RAP2A: variants seen among roughly 807,000 people sequenced by gnomAD.
RAP2A encodes ras-related protein Rap-2a.
A neutral mutation model predicts 15.1 loss-of-function variants in RAP2A; 5 were observed. The ratio of observed to expected loss-of-function variants is 0.33; its 90% confidence interval spans 0.17 to 0.70. RAP2A has a LOEUF of 0.70. Ranked by LOEUF, RAP2A falls within the 30% of genes least tolerant of loss-of-function variation. The probability of loss-of-function intolerance (pLI) is 0.68; values close to 1 mark genes in which losing one functional copy is unlikely to be tolerated. For synonymous variants in RAP2A, 110 were observed against 99.7 expected (o/e 1.10, Z -0.62); for missense variants, 111 against 240.3 (o/e 0.46, Z 3.56).
At chr13:97,463,405 A>G (rs921074530) in intron 1 of RAP2A, among the ~76,000 whole-genome samples, 3 of 152,304 alleles carry the variant, frequency 2.0e-5, no homozygotes, top group Non-Finnish European at 2.9e-5. Flanking sequence ...ACTCAGAGAT[A>G]CCTATTTTAG....
chr13:97,438,140 T>A (rs1238259327), intron 1 of RAP2A, among the ~76,000 whole-genome samples: 2 of 152,192 alleles, frequency 1.3e-5, no homozygotes, highest in Non-Finnish European at 2.9e-5. Context: ...AAACTAGAAT[T>A]TTTTTCTGAT....
rs1395484615 is a variant in RAP2A at position 97,465,533 on chromosome 13, A to T, written c.*1091A>T. 1 of 152,652 alleles carries T rather than the reference A, an allele frequency of 6.6e-6. No homozygotes were observed. Among genetic ancestry groups the T allele is most frequent in the African/African-American group, 2.4e-5 (1 of 41,460 alleles). 9.5% of individuals were successfully genotyped at this position (152,652 alleles called of 1,614,324 possible). On this transcript the variant is annotated 3_prime_UTR_variant, in exon 2 of 2. Transcript: ENST00000245304. Reference sequence around the variant, plus strand: ...CAGGCATTTTAAAAATTGAATAACCATGTGAAATAATTTGGGCTTAAAAGT... The same window carrying T: ...CAGGCATTTTAAAAATTGAATAACCTTGTGAAATAATTTGGGCTTAAAAGT...
At chr13:97,445,512 A>G (rs1010892478) in intron 1 of RAP2A, among the ~76,000 whole-genome samples, 7 of 152,248 alleles carry the variant, frequency 4.6e-5, no homozygotes, top group African/African-American at 1.4e-4. Context: ...CAGTTTATGC[A>G]TAATACCAAT....
At chr13:97,452,671 A>ACACACAC (rs2066707618) in intron 1 of RAP2A, among the ~76,000 whole-genome samples, 1 of 122,404 alleles carries the variant, frequency 8.2e-6, no homozygotes, top group Non-Finnish European at 1.9e-5. Flanking sequence ...CACACACACA[A>ACACACAC]CCAACGGAAC....
chr13:97,456,541 G>T (rs2066723866), intron 1 of RAP2A, among the ~76,000 whole-genome samples: 2 of 152,102 alleles, frequency 1.3e-5, no homozygotes, highest in South Asian at 4.1e-4. Context: ...TCCATCATCA[G>T]TTGGTCCATT....
At chr13:97,434,868 G>C in intron 1 of RAP2A, 84 bp downstream of exon 1, 1 of 1,549,578 alleles carries the variant, frequency 6.5e-7, no homozygotes, top group Non-Finnish European at 8.7e-7. Flanking sequence ...GGGCTCCGGG[G>C]AAGGGGCTTT....
chr13:97,436,085 C>T (rs549331972), intron 1 of RAP2A: 1 of 152,178 alleles, frequency 6.6e-6, no homozygotes, highest in Non-Finnish European at 1.5e-5. Flanking sequence ...TGAGTATGCA[C>T]TTTAATCGCT....
intron 1 of RAP2A, among the ~76,000 whole-genome samples, chr13:97,456,684 G>C (rs2066724324): frequency 6.6e-6 from 1 of 152,092 alleles, no homozygotes; most frequent in Non-Finnish European, 1.5e-5. Context: ...ACTCCTAATA[G>C]CTTTGAATAT....
chr13:97,435,389 C>T (rs2066628951), intron 1 of RAP2A, among the ~76,000 whole-genome samples: 1 of 145,716 alleles, frequency 6.9e-6, no homozygotes, highest in Non-Finnish European at 1.5e-5. Flanking sequence ...ACAAATAAGC[C>T]ATTCACAGGA....
intron 1 of RAP2A, among the ~76,000 whole-genome samples, chr13:97,449,408 T>C (rs2066692714): frequency 6.6e-6 from 1 of 152,152 alleles, no homozygotes; most frequent in African/African-American, 2.4e-5. Flanking sequence ...GGAGTGAAAA[T>C]GATGGGACAG....
At chr13:97,451,821 T>C (rs1314846894) in intron 1 of RAP2A, among the ~76,000 whole-genome samples, 2 of 151,354 alleles carry the variant, frequency 1.3e-5, no homozygotes, top group African/African-American at 2.4e-5. Context: ...TTTTTAATTT[T>C]AATCAATCCG....
At chr13:97,437,742 A>T (rs2066640417) in intron 1 of RAP2A, 1 of 152,248 alleles carries the variant, frequency 6.6e-6, no homozygotes, top group Non-Finnish European at 1.5e-5. Context: ...CCCCTTATGA[A>T]GGATCTGATG....
rs943471860 is a variant in RAP2A at position 97,455,670 on chromosome 13, G to A, written c.315-8535G>A. On this transcript the variant is annotated intron_variant, in intron 1 of 1. Transcript: ENST00000245304. The stretch of plus-strand genomic sequence containing the variant: ...TCAGTGGCTAGTCTGAGACATAGGA[G>A]TGGTTTAAATTGTAGTTCAGTTCTT... 6.6e-5 allele frequency among the ~76,000 whole-genome samples: 10 copies of A among 151,534 alleles called. 1 individual carries two copies. The highest frequency in any genetic ancestry group is 2.2e-4 in the African/African-American group (9 of 41,106).
chr13:97,435,525 A>ACAG (rs1281314972), intron 1 of RAP2A, among the ~76,000 whole-genome samples: 1 of 150,668 alleles, frequency 6.6e-6, no homozygotes, highest in Non-Finnish European at 1.5e-5. Context: ...TGGAAACAAA[A>ACAG]CAGAAGCTTC....
At chr13:97,450,015 A>C (rs1004171871) in intron 1 of RAP2A, among the ~76,000 whole-genome samples, 1 of 152,002 alleles carries the variant, frequency 6.6e-6, no homozygotes, top group East Asian at 1.9e-4. Context: ...AGTGATTTAG[A>C]AATGATAAAT....
rs1030612274 is a variant in RAP2A at position 97,452,823 on chromosome 13, T to C, written c.315-11382T>C. On this transcript the variant is annotated intron_variant, in intron 1 of 1. Transcript: ENST00000245304. ...AGATATTTTTACATTTCTGTAAGCA[T>C]TGGTTTGTAATTCTTGTTGTGAAGG... Among the ~76,000 whole-genome samples the C allele has an allele frequency of 1.7e-4, 25 of 151,460 alleles. 1 individual carries two copies. The highest frequency in any genetic ancestry group is 6.1e-4 in the African/African-American group (25 of 41,088).
Position 97,467,970 on chromosome 13 carries a change from CAAAT to C in RAP2A, c.*3533_*3536del, listed in dbSNP as rs1465146861. On this transcript the variant is annotated 3_prime_UTR_variant, in exon 2 of 2. Transcript: ENST00000245304. The stretch of plus-strand genomic sequence containing the variant: ...TGTATTTGGAGTTAAATTATTTTAA[CAAAT>C]AAATTTATTTAATGAAACTCTGGAT... The C allele has an allele frequency of 4.6e-5, 7 of 152,342 alleles. No individual in the cohort carries two copies. The highest frequency in any genetic ancestry group is 2.1e-4 in the South Asian group (1 of 4,828). The allele number at this position is 152,342 out of a possible 1,614,324, so 9.4% of individuals were successfully genotyped here.
chr13:97,446,717 C>T (rs1358913233), intron 1 of RAP2A, among the ~76,000 whole-genome samples: 4 of 152,156 alleles, frequency 2.6e-5, no homozygotes, highest in Non-Finnish European at 5.9e-5. Context: ...GGCCCGGAGG[C>T]TAGATAGAGA....
At chr13:97,449,759 T>A (rs2066694500) in intron 1 of RAP2A, among the ~76,000 whole-genome samples, 1 of 152,128 alleles carries the variant, frequency 6.6e-6, no homozygotes, top group African/African-American at 2.4e-5. Context: ...TTACTTCTCC[T>A]GGTTCAAGTG....
Sources: gnomAD v4.1 joint callset for allele counts (sites outside exome capture counted in the v4.1 genomes callset) on GRCh38, gnomAD v4.1.1 for gene constraint, MANE v1.5 for transcripts, NCBI Gene and HGNC (gene_info 2026-07-23, HGNC 2026-07-21) for gene names.